The following LPA variants were observed in gnomAD, a reference collection of about 807,000 sequenced individuals.
LPA encodes the protein lipoprotein(a), also known as apolipoprotein(a).
LPA carries 199 observed loss-of-function variants against 197.9 expected under a neutral mutation model. The ratio of observed to expected loss-of-function variants is 1.01; its 90% CI spans 0.90 to 1.13. LPA has a LOEUF of 1.13. Ranked by LOEUF, LPA falls within the 50% of genes most tolerant of loss-of-function variation. LPA has a pLI of 0.00. For missense variants in LPA, 1,853 were observed against 1,785.8 expected (o/e 1.04, Z -0.68); for synonymous variants, 715 against 639.5 (o/e 1.12, Z -1.78).
chr6:160,576,394 A>ATATATATATATG (rs1554234375), intron 28 of LPA, among the ~76,000 whole-genome samples: 1 of 53,754 alleles, frequency 1.9e-5, no homozygotes, highest in Admixed American at 3.1e-4. Flanking sequence ...ATATATGTAT[A>ATATATATATATG]TATATATATA....
intron 27 of LPA, 103 bp downstream of exon 27, chr6:160,578,420 C>A (rs1778725303): frequency 3.5e-6 from 5 of 1,442,120 alleles, no homozygotes; most frequent in African/African-American, 1.4e-5. Flanking sequence ...ACATTGCAGA[C>A]CCTCAACCAA....
chr6:160,542,688 C>A lies in LPA; in HGVS notation c.5519G>T (p.Arg1840Met), dbSNP rs1163245605. Residue 1840 changes from arginine to methionine, a missense_variant and splice_region_variant, in exon 34 of 39, where the codon AGG becomes ATG. Around this residue, in one of 3 missense-constraint regions of LPA, gnomAD observed 1,737 missense variants for 1,504.4 expected, o/e 1.15. Transcript: ENST00000316300. The stretch of plus-strand genomic sequence containing the variant: ...AGATGGTTTCTGGGCCTGTTCTTAC[C>A]TTGTTCTGAGACTGACTTGCCAGGG... ...SWPWQVSLRT[R>M]FGKHFCGGTL... 6.2e-7 allele frequency: 1 copy of A among 1,613,224 alleles called. No individual in the cohort carries two copies. Among genetic ancestry groups the A allele is most frequent in the Non-Finnish European group, 8.5e-7 (1 of 1,179,918 alleles).
At chr6:160,651,238 T>C (rs1016943937) in intron 1 of LPA, among the ~76,000 whole-genome samples, 2 of 152,208 alleles carry the variant, frequency 1.3e-5, no homozygotes, top group Non-Finnish European at 2.9e-5. Flanking sequence ...CATTTGTTTA[T>C]TTCCACCAAA....
intron 28 of LPA, among the ~76,000 whole-genome samples, chr6:160,561,372 G>GATCT (rs1209225305): frequency 3.9e-5 from 6 of 152,200 alleles, no homozygotes. Context: ...AGATCCAATA[G>GATCT]TTGTAGATGT....
At chr6:160,534,941 G>A (rs1027278644) in intron 37 of LPA, among the ~76,000 whole-genome samples, 1 of 149,888 alleles carries the variant, frequency 6.7e-6, no homozygotes, top group Non-Finnish European at 1.5e-5. Flanking sequence ...GTTAATGATG[G>A]TGATGGTGAT....
intron 16 of LPA, among the ~76,000 whole-genome samples, chr6:160,610,030 G>A (rs575509298): frequency 4.6e-5 from 7 of 151,952 alleles, no homozygotes; most frequent in Non-Finnish European, 1.0e-4. Flanking sequence ...CTGCTTTGTT[G>A]CACTTTTTTT....
chr6:160,564,126 T>A (rs1414985180), intron 28 of LPA, among the ~76,000 whole-genome samples: 1 of 152,228 alleles, frequency 6.6e-6, no homozygotes, highest in African/African-American at 2.4e-5. Flanking sequence ...GCTGGCTATT[T>A]TGCCCATTAG....
chr6:160,585,582 T>C (rs1002471339), intron 25 of LPA, among the ~76,000 whole-genome samples: 3 of 152,044 alleles, frequency 2.0e-5, no homozygotes, highest in Non-Finnish European at 2.9e-5. Flanking sequence ...TAGGTGGTGA[T>C]TGGCTGTTAG....
intron 28 of LPA, among the ~76,000 whole-genome samples, chr6:160,575,592 A>G (rs1340500216): frequency 6.6e-6 from 1 of 152,080 alleles, no homozygotes; most frequent in Non-Finnish European, 1.5e-5. Context: ...TGTGGAGTAG[A>G]TTTTGCTCTT....
At chr6:160,576,394 A>ATGTG (rs1265624695) in intron 28 of LPA, among the ~76,000 whole-genome samples, 4 of 53,754 alleles carry the variant, frequency 7.4e-5, no homozygotes, top group South Asian at 1.3e-3. Context: ...ATATATGTAT[A>ATGTG]TATATATATA....
chr6:160,591,172 T>A, intron 22 of LPA, 71 bp from the exon 23 acceptor site: 1 of 1,587,812 alleles, frequency 6.3e-7, no homozygotes, highest in African/African-American at 1.3e-5. Flanking sequence ...ATCCTCTACA[T>A]TTTGTTGTAA....
chr6:160,547,789 AT>A lies in LPA; in HGVS notation c.5303del (p.Asn1768IlefsTer18), dbSNP rs754637067. On this transcript the variant is annotated frameshift_variant and splice_region_variant, in exon 32 of 39. Transcript: ENST00000316300. LOFTEE classifies it high-confidence loss of function. The stretch of plus-strand genomic sequence containing the variant: ...AAGAGTCCAAATCAAAGTGGCTTAC[AT>A]TTTTTTCCAGACCTGCCCATTTATT... ...GTNKWAGLEK[N>X]YCRNPDGDIN... The A allele has an allele frequency of 6.8e-6, 11 of 1,613,574 alleles. No homozygotes were observed. The highest frequency in any genetic ancestry group is 9.3e-6 in the Non-Finnish European group (11 of 1,179,918).
rs765927115 is a variant in LPA at position 160,556,233 on chromosome 6, T to C, written c.4814-49A>G. On this transcript the variant is annotated intron_variant, in intron 29 of 38. Coordinates refer to ENST00000316300, the MANE Select transcript of LPA (RefSeq NM_005577.4). ...GAGTAACTACTAGTATGCAGAAACA[T>C]GTGAAGCAATTTATGACACAAACAG... is the stretch of plus-strand genomic sequence containing the variant. The C allele has an allele frequency of 5.7e-6, 9 of 1,579,040 alleles. No homozygotes were observed. The South Asian group carries it at 1.0e-4, about 17-fold the overall frequency.
At chr6:160,557,971 G>C (rs978221718) in intron 28 of LPA, among the ~76,000 whole-genome samples, 24 of 151,334 alleles carry the variant, frequency 1.6e-4, no homozygotes, top group Admixed American at 4.0e-4. Flanking sequence ...CCAGACTGGA[G>C]TGCAGTGGCG....
chr6:160,609,770 T>A (rs1200912265), intron 16 of LPA, among the ~76,000 whole-genome samples: 3 of 151,926 alleles, frequency 2.0e-5, no homozygotes, highest in African/African-American at 7.3e-5. Flanking sequence ...CATGTGTGTG[T>A]GTGTTTGTGT....
intron 2 of LPA, 45 bp downstream of exon 2, chr6:160,650,292 AT>A: frequency 6.2e-7 from 1 of 1,607,128 alleles, no homozygotes; most frequent in South Asian, 1.1e-5. Flanking sequence ...TCTAAGACAA[AT>A]TTTACTTGGA....
intron 37 of LPA, among the ~76,000 whole-genome samples, chr6:160,536,503 G>A (rs1777897353): frequency 6.6e-6 from 1 of 152,146 alleles, no homozygotes; most frequent in African/African-American, 2.4e-5. Flanking sequence ...AACAATCAGC[G>A]AGAGCTCACG....
chr6:160,584,528 T>G (rs1320999340), intron 26 of LPA, among the ~76,000 whole-genome samples: 3 of 151,794 alleles, frequency 2.0e-5, no homozygotes, highest in Non-Finnish European at 4.4e-5. Flanking sequence ...GATGGGGTTT[T>G]GCCATGTTAG....
intron 30 of LPA, among the ~76,000 whole-genome samples, chr6:160,553,946 T>TGC (rs1160163642): frequency 5.1e-5 from 6 of 118,588 alleles, no homozygotes; most frequent in African/African-American, 2.2e-4. Flanking sequence ...TCTGTGTGTG[T>TGC]GTGTGTGTGC....
Sources: gnomAD v4.1 joint callset for allele counts (sites outside exome capture counted in the v4.1 genomes callset) on GRCh38, gnomAD v4.1.1 for gene constraint, gnomAD v4.1.1 regional missense constraint, MANE v1.5 for transcripts, NCBI Gene and HGNC (gene_info 2026-07-23, HGNC 2026-07-21) for gene names.